Variants in SUGCT observed in about 807,000 individuals in gnomAD.
SUGCT encodes succinyl-CoA:glutarate CoA-transferase.
In SUGCT, 41 loss-of-function variants were observed where a neutral mutation model predicts 55.0. That is an observed-to-expected ratio of 0.74 (90% confidence interval 0.58 to 0.97). The LOEUF (loss-of-function observed/expected upper bound fraction) is 0.97, where lower values mean the gene tolerates loss of function less well. SUGCT is among the 50% of genes least tolerant of loss of function. The pLI, the probability that SUGCT is intolerant of heterozygous loss-of-function variation, is 0.00. For synonymous variants in SUGCT, 187 were observed against 200.4 expected (o/e 0.93, Z 0.56); for missense variants, 568 against 547.8 (o/e 1.04, Z -0.37).
intron 9 of SUGCT, among the ~76,000 whole-genome samples, chr7:40,317,518 T>C (rs1345408862): frequency 6.6e-6 from 1 of 152,228 alleles, no homozygotes; most frequent in African/African-American, 2.4e-5. Context: ...ATATCTCCTG[T>C]ACTCTATTGC....
intron 12 of SUGCT, among the ~76,000 whole-genome samples, chr7:40,696,732 T>C (rs1784950552): frequency 6.6e-6 from 1 of 152,196 alleles, no homozygotes; most frequent in Non-Finnish European, 1.5e-5. Flanking sequence ...TCTTCATTAC[T>C]TCATAAATAC....
intron 1 of SUGCT, among the ~76,000 whole-genome samples, chr7:40,177,844 G>A (rs184185962): frequency 1.3e-5 from 2 of 152,238 alleles, no homozygotes; most frequent in Admixed American, 1.3e-4. Context: ...CTGCCTCCTG[G>A]GTTCAAGAGA....
intron 8 of SUGCT, among the ~76,000 whole-genome samples, chr7:40,313,610 CTT>C: frequency 6.7e-6 from 1 of 150,078 alleles, no homozygotes; most frequent in Non-Finnish European, 1.5e-5. Flanking sequence ...ACAAATCACA[CTT>C]TGGTTTTTTT....
At chr7:40,466,617 A>G (rs923087789) in intron 11 of SUGCT, among the ~76,000 whole-genome samples, 1 of 152,224 alleles carries the variant, frequency 6.6e-6, no homozygotes, top group African/African-American at 2.4e-5. Context: ...GGCACTCAGT[A>G]AATGTTCTCT....
intron 9 of SUGCT, among the ~76,000 whole-genome samples, chr7:40,389,469 A>ACAAACAAACAAACAAACAAAG (rs10660450): frequency 2.7e-5 from 4 of 148,398 alleles, no homozygotes; most frequent in Non-Finnish European, 6.0e-5. Flanking sequence ...AAACAAACAA[A>ACAAACAAACAAACAAACAAAG]CAAGCAAAAA....
chr7:40,735,240 G>A (rs372588896), intron 12 of SUGCT, among the ~76,000 whole-genome samples: 7 of 152,156 alleles, frequency 4.6e-5, no homozygotes, highest in Non-Finnish European at 7.4e-5. Context: ...GATGTAAGTC[G>A]GGACTTCGAA....
At chr7:40,282,804 T>C (rs923653179) in intron 8 of SUGCT, among the ~76,000 whole-genome samples, 4 of 152,018 alleles carry the variant, frequency 2.6e-5, no homozygotes, top group African/African-American at 9.7e-5. Context: ...AATTAGAGGT[T>C]ACATAGAATT....
At chr7:40,948,562 C>T in the SUGCT span, among the ~76,000 whole-genome samples, 7 of 152,082 alleles carry the variant, frequency 4.6e-5, 1 homozygote, top group Admixed American at 3.3e-4. Flanking sequence ...TCCATCAACC[C>T]GTCATCTACA....
chr7:40,520,028 G>C (rs1472199559), intron 12 of SUGCT, among the ~76,000 whole-genome samples: 2 of 152,034 alleles, frequency 1.3e-5, no homozygotes, highest in Non-Finnish European at 2.9e-5. Context: ...ATTTTAAAAA[G>C]AAGGTGGATA....
At chr7:40,627,095 G>A (rs1375458646) in intron 12 of SUGCT, among the ~76,000 whole-genome samples, 1 of 152,196 alleles carries the variant, frequency 6.6e-6, no homozygotes, top group African/African-American at 2.4e-5. Context: ...AAGATTGAAA[G>A]GCATGTAGAC....
intron 6 of SUGCT, among the ~76,000 whole-genome samples, chr7:40,219,767 A>G (rs1345868984): frequency 1.3e-5 from 2 of 152,318 alleles, no homozygotes; most frequent in East Asian, 1.9e-4. Flanking sequence ...CAAAGGGCAG[A>G]AAAAAACCTG....
At chr7:40,241,930 A>AC (rs1207515608) in intron 7 of SUGCT, among the ~76,000 whole-genome samples, 11 of 151,460 alleles carry the variant, frequency 7.3e-5, no homozygotes, top group Admixed American at 6.6e-4. Flanking sequence ...AAAAAAAAAA[A>AC]AAAAACCGTC....
At chr7:40,906,135 G>GTTTTTTT in the SUGCT span, among the ~76,000 whole-genome samples, 1 of 141,564 alleles carries the variant, frequency 7.1e-6, no homozygotes, top group Non-Finnish European at 1.5e-5. Context: ...TTTGTTTTTT[G>GTTTTTTT]TTTTTTTTTT....
intron 9 of SUGCT, among the ~76,000 whole-genome samples, chr7:40,448,629 C>CT (rs1788993338): frequency 6.6e-6 from 1 of 152,000 alleles, no homozygotes; most frequent in East Asian, 1.9e-4. Context: ...AAGCGGATCT[C>CT]GAGCCCAGGG....
At chr7:40,751,283 G>C (rs534096092) in intron 13 of SUGCT, among the ~76,000 whole-genome samples, 11 of 152,220 alleles carry the variant, frequency 7.2e-5, no homozygotes, top group Non-Finnish European at 1.2e-4. Context: ...CAGGAAATGA[G>C]ACTGGAGAGG....
At chr7:40,787,366 A>T (rs1388793401) in intron 13 of SUGCT, among the ~76,000 whole-genome samples, 2 of 152,160 alleles carry the variant, frequency 1.3e-5, no homozygotes, top group Non-Finnish European at 2.9e-5. Context: ...GGTGCATGGC[A>T]TAATGACCTA....
At chr7:40,851,020 A>C (rs1040735078) in intron 13 of SUGCT, among the ~76,000 whole-genome samples, 1 of 152,208 alleles carries the variant, frequency 6.6e-6, no homozygotes, top group African/African-American at 2.4e-5. Flanking sequence ...ACAGCTTTAT[A>C]TGACACTTTA....
chr7:40,726,464 C>T (rs1786617054), intron 12 of SUGCT, among the ~76,000 whole-genome samples: 1 of 151,950 alleles, frequency 6.6e-6, no homozygotes, highest in South Asian at 2.1e-4. Context: ...GTCTTGCTGT[C>T]TCAGGGGTGG....
At chr7:40,948,438 TG>T in the SUGCT span, among the ~76,000 whole-genome samples, 4 of 46,710 alleles carry the variant, frequency 8.6e-5, no homozygotes. Context: ...AAAAACATGA[TG>T]ATGATGATGA....
Sources: allele counts gnomAD v4.1 joint callset (sites outside exome capture counted in the v4.1 genomes callset), GRCh38; gene constraint gnomAD v4.1.1; transcripts MANE v1.5; gene names NCBI Gene and HGNC (gene_info 2026-07-23, HGNC 2026-07-21).